PTGER3: variants seen among roughly 807,000 people sequenced by gnomAD.
The protein encoded by PTGER3 is prostaglandin E receptor 3.
A neutral mutation model predicts 34.7 loss-of-function variants in PTGER3; 22 were observed. The ratio of observed to expected loss-of-function variants is 0.63; its 90% CI spans 0.45 to 0.91. The LOEUF is 0.91. Among genes scored for constraint, PTGER3 ranks in the 40% least tolerant of loss-of-function variants. PTGER3 has a pLI of 0.00. For missense variants in PTGER3, 468 were observed against 519.4 expected (o/e 0.90, Z 0.96); for synonymous variants, 241 against 230.1 (o/e 1.05, Z -0.43).
chr1:71,044,327 C>T (rs1660569273), intron 1 of PTGER3, among the ~76,000 whole-genome samples: 1 of 150,720 alleles, frequency 6.6e-6, no homozygotes, highest in South Asian at 2.1e-4. Context: ...ATCCTAGTGA[C>T]TCCAAAGGCT....
downstream of PTGER3, among the ~76,000 whole-genome samples, chr1:70,968,468 G>A (rs531407568): frequency 3.3e-5 from 5 of 152,098 alleles, no homozygotes; most frequent in South Asian, 1.0e-3. Flanking sequence ...TAACCTTGTT[G>A]CATAATGACA....
intron 2 of PTGER3, among the ~76,000 whole-genome samples, chr1:71,000,039 CA>C (rs1557728371): frequency 6.6e-6 from 1 of 152,208 alleles, no homozygotes; most frequent in Non-Finnish European, 1.5e-5. Flanking sequence ...AAAGCTGCCT[CA>C]CCACTGCTCC....
At chr1:70,981,762 T>A (rs646511) in intron 2 of PTGER3, among the ~76,000 whole-genome samples, 1 of 151,688 alleles carries the variant, frequency 6.6e-6, no homozygotes, top group Non-Finnish European at 1.5e-5. Context: ...TAACATAAGT[T>A]TTGATCTATT....
intron 1 of PTGER3, among the ~76,000 whole-genome samples, chr1:71,044,305 C>G (rs1174710256): frequency 6.6e-6 from 1 of 150,944 alleles, no homozygotes; most frequent in Non-Finnish European, 1.5e-5. Flanking sequence ...GGTGTGGTGG[C>G]GGGCGCCTGT....
intron 2 of PTGER3, among the ~76,000 whole-genome samples, chr1:70,996,182 C>T (rs1655920946): frequency 6.6e-6 from 1 of 152,094 alleles, no homozygotes; most frequent in African/African-American, 2.4e-5. Context: ...GAAATTTCAG[C>T]ATTTCCAACA....
intron 1 of PTGER3, among the ~76,000 whole-genome samples, chr1:71,044,886 A>G (rs1444285747): frequency 1.3e-5 from 2 of 152,176 alleles, no homozygotes; most frequent in African/African-American, 4.8e-5. Context: ...CTCAAATGAC[A>G]CTTGTGAAAA....
intron 4 of PTGER3, among the ~76,000 whole-genome samples, chr1:70,870,907 TA>T (rs2100540934): frequency 1.3e-5 from 2 of 152,330 alleles, no homozygotes; most frequent in African/African-American, 4.8e-5. Context: ...TTGCGAAGTT[TA>T]CCTCATCTTC....
intron 2 of PTGER3, among the ~76,000 whole-genome samples, chr1:70,962,923 G>A (rs1046308916): frequency 1.3e-5 from 2 of 152,204 alleles, no homozygotes; most frequent in African/African-American, 4.8e-5. Flanking sequence ...AGTCTCATCT[G>A]AGACAAGGCA....
At chr1:70,969,184 G>A (rs553315276), downstream of PTGER3, among the ~76,000 whole-genome samples, 1 of 152,234 alleles carries the variant, frequency 6.6e-6, no homozygotes, top group Admixed American at 6.5e-5. Context: ...TCCAGCCTGG[G>A]CAACAGAGTG....
At chr1:71,014,015 T>C (rs1453258572) in intron 1 of PTGER3, among the ~76,000 whole-genome samples, 1 of 152,236 alleles carries the variant, frequency 6.6e-6, no homozygotes, top group Non-Finnish European at 1.5e-5. Context: ...CATAATGGAA[T>C]AATAATATTT....
At chr1:70,990,509 A>G (rs1467838078) in intron 2 of PTGER3, among the ~76,000 whole-genome samples, 1 of 151,358 alleles carries the variant, frequency 6.6e-6, no homozygotes, top group Admixed American at 6.6e-5. Flanking sequence ...GTATGTATGT[A>G]CACATATAAA....
chr1:70,890,333 A>G (rs1646589288), intron 4 of PTGER3, among the ~76,000 whole-genome samples: 1 of 152,346 alleles, frequency 6.6e-6, no homozygotes, highest in African/African-American at 2.4e-5. Flanking sequence ...ACTGAGGCTT[A>G]TAGAATTAAG....
At chr1:70,892,631 A>C (rs1426922672) in intron 4 of PTGER3, among the ~76,000 whole-genome samples, 2 of 152,098 alleles carry the variant, frequency 1.3e-5, no homozygotes, top group Non-Finnish European at 2.9e-5. Context: ...ATTTGAGGTC[A>C]GGAGTTTGAG....
chr1:71,045,348 T>C (rs1660671011), intron 1 of PTGER3, among the ~76,000 whole-genome samples: 1 of 152,216 alleles, frequency 6.6e-6, no homozygotes, highest in African/African-American at 2.4e-5. Context: ...CTGAATTGTA[T>C]GTAATATATT....
chr1:70,941,849 G>T (rs930288526), intron 4 of PTGER3, among the ~76,000 whole-genome samples: 1 of 152,076 alleles, frequency 6.6e-6, no homozygotes, highest in Non-Finnish European at 1.5e-5. Context: ...TTCTGACATT[G>T]CCTCACAAAT....
At chr1:70,869,283 A>G (rs1274655026) in intron 4 of PTGER3, 1 of 471,692 alleles carries the variant, frequency 2.1e-6, no homozygotes, top group African/African-American at 2.0e-5. Context: ...ACCTGCCTCC[A>G]TGCATGACAA....
At chr1:71,045,701 C>G (rs566650290) in intron 1 of PTGER3, among the ~76,000 whole-genome samples, 39 of 152,252 alleles carry the variant, frequency 2.6e-4, no homozygotes, top group African/African-American at 9.1e-4. Flanking sequence ...ACCTCTACCT[C>G]CTATCTCAGG....
chr1:70,968,289 A>C (rs1331789759), downstream of PTGER3, among the ~76,000 whole-genome samples: 1 of 152,206 alleles, frequency 6.6e-6, no homozygotes, highest in Non-Finnish European at 1.5e-5. Flanking sequence ...CACTTAAAGC[A>C]TATTAATGTT....
chr1:70,882,966 T>G (rs1646423959), intron 4 of PTGER3, among the ~76,000 whole-genome samples: 1 of 152,218 alleles, frequency 6.6e-6, no homozygotes, highest in South Asian at 2.1e-4. Flanking sequence ...GCTTCTAGTC[T>G]ATCATCTTGG....
Sources: allele counts gnomAD v4.1 joint callset (sites outside exome capture counted in the v4.1 genomes callset), GRCh38; gene constraint gnomAD v4.1.1; transcripts MANE v1.5; gene names NCBI Gene and HGNC (gene_info 2026-07-23, HGNC 2026-07-21).